Variants in ASIC2 observed in about 807,000 individuals in gnomAD.
The protein encoded by ASIC2 is acid-sensing ion channel 2.
Under a neutral mutation model 57.3 loss-of-function variants are expected in ASIC2, and 25 were observed. The ratio of observed to expected loss-of-function variants is 0.44; its 90% CI spans 0.32 to 0.61. ASIC2 has a LOEUF of 0.61. Among genes scored for constraint, ASIC2 ranks in the 20% least tolerant of loss-of-function variants. ASIC2 has a pLI of 0.06. For missense variants in ASIC2, 641 were observed against 738.1 expected (o/e 0.87, Z 1.52); for synonymous variants, 319 against 307.5 (o/e 1.04, Z -0.39).
chr17:33,221,674 A>G (rs1907695231), intron 1 of ASIC2, among the ~76,000 whole-genome samples: 1 of 152,216 alleles, frequency 6.6e-6, no homozygotes, highest in Non-Finnish European at 1.5e-5. Flanking sequence ...GAATTTACTA[A>G]TTGGGCTTTT....
At chr17:33,172,037 T>A (rs1905541364) in intron 1 of ASIC2, among the ~76,000 whole-genome samples, 1 of 152,206 alleles carries the variant, frequency 6.6e-6, no homozygotes, top group African/African-American at 2.4e-5. Context: ...TTCACTCTTG[T>A]CTAATTATTT....
At chr17:34,028,476 G>T (rs1254003015) in intron 1 of ASIC2, among the ~76,000 whole-genome samples, 1 of 151,926 alleles carries the variant, frequency 6.6e-6, no homozygotes, top group Non-Finnish European at 1.5e-5. Context: ...TGTGTAGTCT[G>T]GTTGGTGTAG....
At chr17:33,555,797 G>A (rs1273430808) in intron 1 of ASIC2, among the ~76,000 whole-genome samples, 2 of 152,120 alleles carry the variant, frequency 1.3e-5, no homozygotes, top group Non-Finnish European at 2.9e-5. Flanking sequence ...ACTCCCACAG[G>A]CCTTGATTTC....
In ASIC2 at chr17:33,813,105, A is replaced by G. The variant is rs181263804; in HGVS notation, c.555+342873T>C. Among the ~76,000 whole-genome samples, 1,067 of 152,290 alleles carry G rather than the reference A, an allele frequency of 7.0e-3. 16 individuals carry two copies. Among genetic ancestry groups the G allele is most frequent in the African/African-American group, 0.025 (1,019 of 41,564 alleles). On this transcript the variant is annotated intron_variant, in intron 1 of 9. Transcript: ENST00000359872. ...CAGAGAGCATCATCCATGAGGTTCT[A>G]CCATGGAAAGCCTTTATAGGATAGT...
At chr17:33,041,509 C>T (rs750156137) in intron 3 of ASIC2, among the ~76,000 whole-genome samples, 3 of 152,158 alleles carry the variant, frequency 2.0e-5, no homozygotes, top group African/African-American at 7.2e-5. Flanking sequence ...AATGAATGAG[C>T]GAGCAAATGA....
In ASIC2 at chr17:33,980,942, A is replaced by AT. The variant is rs34633102; in HGVS notation, c.555+175035dup. The stretch of plus-strand genomic sequence containing the variant: ...TCTCCCCATCCCTTCCTCAAGTGTA[A>AT]TTTTTTTTTTTTTAGACAGAATCTT... On this transcript the variant is annotated intron_variant, in intron 1 of 9. Coordinates refer to the ASIC2 transcript ENST00000359872. The AT allele has an allele frequency of 8.6e-3, 1,121 of 130,430 alleles. 79 individuals are homozygous for AT. The highest frequency in any genetic ancestry group is 0.025 in the African/African-American group (848 of 34,480). The allele number at this position is 130,430 out of a possible 1,614,324, so 8.1% of individuals were successfully genotyped here. A position where few individuals can be genotyped will look rare whatever the true frequency, so the allele number is the denominator to read the frequency against.
intron 3 of ASIC2, among the ~76,000 whole-genome samples, chr17:33,070,251 T>C (rs1275083766): frequency 1.3e-5 from 2 of 152,232 alleles, no homozygotes; most frequent in Non-Finnish European, 2.9e-5. Flanking sequence ...AGCATTCAAC[T>C]ATCTTTTAAG....
At chr17:33,944,004 A>C (rs1035442002) in intron 1 of ASIC2, among the ~76,000 whole-genome samples, 5 of 152,106 alleles carry the variant, frequency 3.3e-5, no homozygotes, top group Non-Finnish European at 5.9e-5. Context: ...TCTGAGGATG[A>C]AGGCGGATCC....
chr17:34,069,262 T>C (rs1166980546), intron 1 of ASIC2: 1 of 146,478 alleles, frequency 6.8e-6, no homozygotes, highest in Non-Finnish European at 1.5e-5. Flanking sequence ...TTCCTTTCCT[T>C]TTCCTTTCTT....
chr17:33,960,538 G>A (rs944872083), intron 1 of ASIC2, among the ~76,000 whole-genome samples: 6 of 152,138 alleles, frequency 3.9e-5, no homozygotes, highest in African/African-American at 1.4e-4. Context: ...TCCTGTTGCT[G>A]TCAGGATATA....
At chr17:33,945,337 A>G (rs1254037941) in intron 1 of ASIC2, among the ~76,000 whole-genome samples, 1 of 150,272 alleles carries the variant, frequency 6.7e-6, no homozygotes. Context: ...TGGTCTCAGG[A>G]CTTGTGGGCT....
chr17:34,116,838 C>G (rs940436691), intron 1 of ASIC2, among the ~76,000 whole-genome samples: 1 of 151,968 alleles, frequency 6.6e-6, no homozygotes, highest in Non-Finnish European at 1.5e-5. Flanking sequence ...ACTCCGATAC[C>G]TTTTGCAAGT....
chr17:33,926,433 TTATA>T (rs1179864137), intron 1 of ASIC2, among the ~76,000 whole-genome samples: 3 of 152,180 alleles, frequency 2.0e-5, no homozygotes, highest in Non-Finnish European at 2.9e-5. Flanking sequence ...AGCACAAAAT[TTATA>T]TGTGTTTTAA....
intron 1 of ASIC2, among the ~76,000 whole-genome samples, chr17:33,143,033 G>GCTC (rs1904387637): frequency 6.6e-6 from 1 of 152,174 alleles, no homozygotes; most frequent in Admixed American, 6.5e-5. Context: ...GCTGCGAGAA[G>GCTC]AAAACATGGG....
chr17:34,110,656 T>C (rs995954347), intron 1 of ASIC2, among the ~76,000 whole-genome samples: 2 of 152,156 alleles, frequency 1.3e-5, no homozygotes, highest in African/African-American at 4.8e-5. Flanking sequence ...TTAAAAAAAA[T>C]CATCGGTTAG....
At chr17:33,082,630 T>C (rs2092117329) in intron 3 of ASIC2, among the ~76,000 whole-genome samples, 2 of 150,576 alleles carry the variant, frequency 1.3e-5, no homozygotes, top group Admixed American at 1.3e-4. Flanking sequence ...ACTCAGGAGG[T>C]GGAGGTTGCA....
intron 1 of ASIC2, among the ~76,000 whole-genome samples, chr17:33,788,790 C>G (rs1911680555): frequency 6.6e-6 from 1 of 152,228 alleles, no homozygotes; most frequent in Admixed American, 6.5e-5. Context: ...CCTCAGCAAA[C>G]TAACACAGGA....
intron 1 of ASIC2, among the ~76,000 whole-genome samples, chr17:33,388,655 C>A (rs1909782334): frequency 6.6e-6 from 1 of 152,244 alleles, no homozygotes; most frequent in Admixed American, 6.5e-5. Context: ...TCCAGACCTG[C>A]CTCTCATGGT....
intron 1 of ASIC2, among the ~76,000 whole-genome samples, chr17:33,709,088 TA>T (rs1167979292): frequency 1.3e-4 from 20 of 152,172 alleles, no homozygotes; most frequent in African/African-American, 4.8e-4. Context: ...CTGTAAAAGG[TA>T]AACCCTACAT....
Sources: allele counts gnomAD v4.1 joint callset (sites outside exome capture counted in the v4.1 genomes callset), GRCh38; gene constraint gnomAD v4.1.1; transcripts MANE v1.5; gene names NCBI Gene and HGNC (gene_info 2026-07-23, HGNC 2026-07-21).